Variants in ZNF280C observed in about 807,000 individuals in gnomAD.
ZNF280C encodes zinc finger protein 280C, also known as suppressor of hairy wing homolog 3.
ZNF280C carries 14 observed loss-of-function variants against 53.6 expected under a neutral mutation model. The ratio of observed to expected loss-of-function variants is 0.26; its 90% CI spans 0.17 to 0.41. ZNF280C has a LOEUF of 0.41. Among genes scored for constraint, ZNF280C ranks in the 10% least tolerant of loss-of-function variants. The pLI is 1.00. For synonymous variants in ZNF280C, 203 were observed against 181.1 expected (o/e 1.12, Z -0.97); for missense variants, 416 against 547.1 (o/e 0.76, Z 2.39).
chrX:130,217,308 C>T (rs908013478), intron 13 of ZNF280C, among the ~76,000 whole-genome samples: 8 of 111,775 alleles, frequency 7.2e-5, no homozygotes, highest in Non-Finnish European at 1.5e-4. Flanking sequence ...ATCAATGAAC[C>T]TACAAAACAT....
intron 2 of ZNF280C, among the ~76,000 whole-genome samples, chrX:130,256,960 G>A (rs904130931): frequency 9.2e-6 from 1 of 109,191 alleles, no homozygotes; most frequent in Non-Finnish European, 1.9e-5. Flanking sequence ...CAGCACTTTC[G>A]GAGGCCGAGG....
At chrX:130,243,740 T>C in intron 4 of ZNF280C, 41 bp from the exon 5 acceptor site, 1 of 1,170,794 alleles carries the variant, frequency 8.5e-7, no homozygotes, top group Non-Finnish European at 1.1e-6. Context: ...TATATTTCTA[T>C]ACAACCAATT....
At chrX:130,227,998 A>G (rs1569434793) in intron 10 of ZNF280C, among the ~76,000 whole-genome samples, 2 of 111,407 alleles carry the variant, frequency 1.8e-5, no homozygotes, top group African/African-American at 6.5e-5. Flanking sequence ...TTTTATTCCT[A>G]TTTTTCAGAT....
intron 16 of ZNF280C, among the ~76,000 whole-genome samples, chrX:130,208,892 C>T (rs1177740468): frequency 2.7e-5 from 3 of 110,294 alleles, no homozygotes; most frequent in East Asian, 5.7e-4. Context: ...GACAGGGTTT[C>T]GCCATGTTGG....
At position 130,209,735 on chromosome X, in the gene ZNF280C, A is replaced by G; in HGVS notation, c.1980-20T>C. ...TGAGAGCTGGAGAAACACGAGACAA[A>G]CAAGATTTTATTAATTTTATTATAC... On this transcript the variant is annotated intron_variant, in intron 15 of 18. Transcript: ENST00000370978. The G allele has an allele frequency of 8.6e-7, 1 of 1,167,944 alleles. No individual in the cohort carries two copies. The highest frequency in any genetic ancestry group is 1.2e-6 in the Non-Finnish European group (1 of 863,531).
chrX:130,203,739 A>C lies in ZNF280C; in HGVS notation c.*1238T>G, dbSNP rs779822187. The C allele has an allele frequency of 1.8e-5, 2 of 112,398 alleles. No individual in the cohort carries two copies. Among genetic ancestry groups the C allele is most frequent in the African/African-American group, 6.4e-5 (2 of 31,030 alleles). 9.3% of individuals were successfully genotyped at this position (112,398 alleles called of 1,213,427 possible). A position where few individuals can be genotyped will look rare whatever the true frequency, so the allele number is the denominator to read the frequency against. ...ATATTGGATAAAACTTTAAATGAAA[A>C]CATGAATAACTGACTTTGGGAACTG... On this transcript the variant is annotated 3_prime_UTR_variant, in exon 19 of 19. Transcript: ENST00000370978.
chrX:130,268,728 C>T (rs1157657541), intron 1 of ZNF280C, 34 bp downstream of exon 1: 1 of 112,616 alleles, frequency 8.9e-6, no homozygotes, highest in Non-Finnish European at 1.9e-5. Flanking sequence ...CTGCCTCCTT[C>T]CGCGCGGCAC....
chrX:130,251,284 A>C (rs2032505801), intron 2 of ZNF280C, among the ~76,000 whole-genome samples: 1 of 90,519 alleles, frequency 1.1e-5, no homozygotes, highest in Admixed American at 1.2e-4. Flanking sequence ...ACCTGTCTCA[A>C]AAAAAAAAAA....
At chrX:130,234,479 TAC>T (rs1196831760) in intron 8 of ZNF280C, among the ~76,000 whole-genome samples, 4 of 112,497 alleles carry the variant, frequency 3.6e-5, no homozygotes, top group Non-Finnish European at 7.5e-5. Flanking sequence ...AAGACTCTAA[TAC>T]AGTTTTGCGT....
intron 8 of ZNF280C, among the ~76,000 whole-genome samples, chrX:130,233,771 T>C (rs1227031042): frequency 5.4e-5 from 6 of 110,788 alleles, no homozygotes; most frequent in Admixed American, 4.9e-4. Flanking sequence ...TTTTCATGGA[T>C]GTATACTTAG....
At position 130,243,583 on chromosome X, in the gene ZNF280C, C is replaced by T; in HGVS notation, c.361G>A (p.Val121Ile). 1.7e-6 allele frequency: 2 copies of T among 1,210,059 alleles called. No homozygotes were observed. The highest frequency in any genetic ancestry group is 2.2e-6 in the Non-Finnish European group (2 of 894,660). Residue 121 changes from valine to isoleucine, a missense_variant, in exon 5 of 19, where the codon GTT (valine) becomes ATT (isoleucine). Coordinates refer to ENST00000370978, the MANE Select transcript of ZNF280C (RefSeq NM_017666.5). ...VSKSSQSSVT[V>I]ENASKPDFTK... ...CTTACAGGTTTAGACGCATTCTCAA[C>T]AGTAACAGAGCTTTGTGAAGATTTA...
chrX:130,229,560 G>A (rs2032257183), intron 9 of ZNF280C, among the ~76,000 whole-genome samples: 1 of 112,066 alleles, frequency 8.9e-6, no homozygotes, highest in Non-Finnish European at 1.9e-5. Context: ...AGCTCTGAAG[G>A]TTTCAGCTGC....
rs375349452 is a variant in ZNF280C, at chrX:130,215,234, G to A, written c.1938C>T (p.Tyr646=). 4.1e-6 allele frequency: 5 copies of A among 1,204,938 alleles called. No individual in the cohort carries two copies. Among genetic ancestry groups the A allele is most frequent in the Non-Finnish European group, 5.6e-6 (5 of 892,343 alleles). The change falls in exon 15 of 19, where the codon TAC becomes TAT. Residue 646 remains tyrosine (Y), a synonymous_variant. Coordinates refer to ENST00000370978, the MANE Select transcript of ZNF280C (RefSeq NM_017666.5). ...SIYIHCSFCK[Y]NTNCNKAFVN... is the part of the protein sequence containing the mutation. The stretch of plus-strand genomic sequence containing the variant: ...CAAAGGCTTTGTTACAGTTAGTATT[G>A]TACTTGCAAAAACTGCAGTGGATGT...
chrX:130,214,577 G>A lies in ZNF280C; in HGVS notation c.1979+616C>T, dbSNP rs773228218. On this transcript the variant is annotated intron_variant, in intron 15 of 18. Transcript: ENST00000370978. ...GGATTGGTTCTAGGACCTCCTGCAG[G>A]TATCCAAATCTGCAGAGACTCAAGT... Among the ~76,000 whole-genome samples the A allele has an allele frequency of 2.7e-5, 3 of 111,136 alleles. No individual in the cohort carries two copies. In the East Asian group the frequency reaches 8.4e-4, roughly 31 times the overall value.
intron 12 of ZNF280C, among the ~76,000 whole-genome samples, chrX:130,222,328 AC>A: frequency 9.7e-6 from 1 of 102,825 alleles, no homozygotes; most frequent in African/African-American, 3.6e-5. Flanking sequence ...ACACACACAC[AC>A]ACCCTTCTCT....
chrX:130,222,538 A>G (rs2032179120), intron 12 of ZNF280C, among the ~76,000 whole-genome samples: 2 of 112,321 alleles, frequency 1.8e-5, no homozygotes, highest in Non-Finnish European at 3.8e-5. Flanking sequence ...ATTTCATTCA[A>G]TGAGTATTTA....
chrX:130,249,059 C>T (rs1003750088), intron 2 of ZNF280C, among the ~76,000 whole-genome samples: 14 of 111,630 alleles, frequency 1.3e-4, no homozygotes, highest in Non-Finnish European at 1.7e-4. Context: ...GCCACCACTG[C>T]CACTAGAATG....
intron 1 of ZNF280C, among the ~76,000 whole-genome samples, chrX:130,266,343 A>C (rs1232487537): frequency 1.8e-5 from 2 of 111,751 alleles, no homozygotes; most frequent in Non-Finnish European, 3.8e-5. Context: ...TTGGGAGTTC[A>C]GGGGTGGGAC....
rs1238975087 is a variant in ZNF280C at position 130,218,045 on chromosome X, C to T, written c.1528-1944G>A. 2.7e-5 allele frequency among the ~76,000 whole-genome samples: 3 copies of T among 110,904 alleles called. No homozygotes were observed. In the East Asian group the frequency reaches 8.5e-4, roughly 31 times the overall value. On this transcript the variant is annotated intron_variant, in intron 13 of 18. Transcript: ENST00000370978. ...GGCATGGTGACATCCGCCTGTGGTCCCAGCTACTTGGGAGGCTGAGGTGGG... is the reference window on the plus strand; with the variant it reads ...GGCATGGTGACATCCGCCTGTGGTCTCAGCTACTTGGGAGGCTGAGGTGGG...
Sources: allele counts gnomAD v4.1 joint callset (sites outside exome capture counted in the v4.1 genomes callset), GRCh38; gene constraint gnomAD v4.1.1; transcripts MANE v1.5; gene names NCBI Gene and HGNC (gene_info 2026-07-23, HGNC 2026-07-21).